RBFOX1: variants seen among roughly 807,000 people sequenced by gnomAD.
The protein encoded by RBFOX1 is RNA binding protein fox-1 homolog 1.
A neutral mutation model predicts 57.7 loss-of-function variants in RBFOX1; 8 were observed. The observed-to-expected ratio is 0.14, with a 90% CI of 0.08 to 0.25. The LOEUF (loss-of-function observed/expected upper bound fraction) is 0.25. RBFOX1 is among the 10% of genes least tolerant of loss of function. RBFOX1 has a pLI of 1.00. For synonymous variants in RBFOX1, 326 were observed against 222.4 expected, an observed-to-expected ratio of 1.47 and a Z score of -4.15; for missense variants, 611 against 548.5, an observed-to-expected ratio of 1.11 and a Z score of -1.14.
intron 3 of RBFOX1, among the ~76,000 whole-genome samples, chr16:6,673,183 C>T (rs147823495): frequency 6.6e-6 from 1 of 152,280 alleles, no homozygotes; most frequent in Non-Finnish European, 1.5e-5. Flanking sequence ...ATTTTATGGT[C>T]TCCATGCTCC....
intron 3 of RBFOX1, among the ~76,000 whole-genome samples, chr16:6,941,018 A>G (rs187977344): frequency 7.8e-4 from 118 of 151,870 alleles, no homozygotes; most frequent in Non-Finnish European, 4.7e-4. Flanking sequence ...CCCTTATCGT[A>G]TACTTCTATA....
intron 2 of RBFOX1, among the ~76,000 whole-genome samples, chr16:6,641,778 A>AAAAAAAAAAAAAAG (rs1568006199): frequency 3.1e-5 from 1 of 31,786 alleles, no homozygotes; most frequent in Non-Finnish European, 5.8e-5. Flanking sequence ...AAAAAAAAAA[A>AAAAAAAAAAAAAAG]TAGGTTCTGC....
Position 7,094,023 on chromosome 16 carries a change from T to C in RBFOX1, c.27+41925T>C, listed in dbSNP as rs2061295415. Among the ~76,000 whole-genome samples, 2 of 151,232 alleles carry C rather than the reference T, an allele frequency of 1.3e-5. 1 individual carries two copies. The highest frequency in any genetic ancestry group is 4.2e-4 in the South Asian group (2 of 4,734). On this transcript the variant is annotated intron_variant, in intron 4 of 15. Coordinates refer to ENST00000550418, the MANE Select transcript of RBFOX1 (RefSeq NM_018723.4). ...TGTCTTTATGATTGTGTTTTAAACA[T>C]AGTAATTGGTCAAGTGGATGTTGCT...
At chr16:6,950,795 A>G (rs549034218) in intron 3 of RBFOX1, among the ~76,000 whole-genome samples, 10 of 152,310 alleles carry the variant, frequency 6.6e-5, no homozygotes, top group African/African-American at 1.7e-4. Flanking sequence ...AGAATGCTCT[A>G]TCACAACAGA....
intron 3 of RBFOX1, among the ~76,000 whole-genome samples, chr16:6,910,309 T>C (rs2071227815): frequency 1.3e-5 from 2 of 151,982 alleles, no homozygotes; most frequent in Admixed American, 1.3e-4. Flanking sequence ...GAGAATCTTT[T>C]TAGGGGCAAA....
intron 4 of RBFOX1, among the ~76,000 whole-genome samples, chr16:7,150,690 A>G (rs577384583): frequency 1.3e-5 from 2 of 152,340 alleles, no homozygotes; most frequent in Admixed American, 6.5e-5. Flanking sequence ...TTAGAAAGAG[A>G]TAAGTCAAAG....
intron 11 of RBFOX1, among the ~76,000 whole-genome samples, chr16:7,649,189 C>G (rs1158720311): frequency 2.0e-5 from 3 of 152,010 alleles, no homozygotes; most frequent in Non-Finnish European, 4.4e-5. Context: ...ATGTCCACCC[C>G]TTGGTATAAT....
chr16:6,494,936 G>T (rs923173629), intron 2 of RBFOX1, among the ~76,000 whole-genome samples: 2 of 152,124 alleles, frequency 1.3e-5, no homozygotes, highest in African/African-American at 4.8e-5. Flanking sequence ...TAACTCATTT[G>T]TCCTCAGAGC....
intron 2 of RBFOX1, among the ~76,000 whole-genome samples, chr16:6,352,009 C>G (rs2086490892): frequency 6.6e-6 from 1 of 152,116 alleles, no homozygotes; most frequent in Non-Finnish European, 1.5e-5. Flanking sequence ...TTTACCCAAA[C>G]CTACCCTTTT....
chr16:6,045,092 C>T (rs116533977), intron 1 of RBFOX1, among the ~76,000 whole-genome samples: 16 of 152,290 alleles, frequency 1.1e-4, no homozygotes, highest in African/African-American at 1.7e-4. Context: ...TTCAGACCAA[C>T]GGAACTAAAG....
intron 3 of RBFOX1, among the ~76,000 whole-genome samples, chr16:5,620,131 A>G (rs1596480544): frequency 6.6e-6 from 1 of 152,104 alleles, no homozygotes; most frequent in Non-Finnish European, 1.5e-5. Flanking sequence ...TCAGGTGGCA[A>G]TGTTTCTGAG....
chr16:7,238,575 A>G (rs541362687), intron 4 of RBFOX1, among the ~76,000 whole-genome samples: 1 of 152,180 alleles, frequency 6.6e-6, no homozygotes, highest in South Asian at 2.1e-4. Context: ...TGTTCTTCCC[A>G]TCTTGTGTAC....
intron 4 of RBFOX1, among the ~76,000 whole-genome samples, chr16:7,142,768 A>G (rs531634095): frequency 1.6e-4 from 25 of 152,262 alleles, no homozygotes; most frequent in Admixed American, 1.2e-3. Flanking sequence ...GACATTCCCA[A>G]TGCCTTACAC....
At chr16:6,885,411 C>G (rs935739831) in intron 3 of RBFOX1, among the ~76,000 whole-genome samples, 1 of 152,202 alleles carries the variant, frequency 6.6e-6, no homozygotes, top group Non-Finnish European at 1.5e-5. Flanking sequence ...ATTTACAAAA[C>G]CCATTTTAAT....
intron 1 of RBFOX1, among the ~76,000 whole-genome samples, chr16:6,131,849 C>G (rs545698673): frequency 1.3e-5 from 2 of 152,130 alleles, no homozygotes; most frequent in East Asian, 1.9e-4. Context: ...CTGCCACTCT[C>G]TGGCTCTCTG....
chr16:6,724,398 C>T (rs1055422449), intron 3 of RBFOX1, among the ~76,000 whole-genome samples: 2 of 151,894 alleles, frequency 1.3e-5, no homozygotes, highest in Non-Finnish European at 2.9e-5. Flanking sequence ...TTAGTAGAGA[C>T]AGGTTTCACC....
chr16:7,037,805 A>G (rs1463310414), intron 3 of RBFOX1, among the ~76,000 whole-genome samples: 1 of 152,106 alleles, frequency 6.6e-6, no homozygotes, highest in Non-Finnish European at 1.5e-5. Context: ...TGTTCTCTGA[A>G]CCACTGCATT....
intron 3 of RBFOX1, among the ~76,000 whole-genome samples, chr16:6,871,342 C>T (rs751609840): frequency 2.0e-5 from 3 of 152,068 alleles, no homozygotes; most frequent in Non-Finnish European, 4.4e-5. Context: ...TGTGCCATCA[C>T]GCCTGGCTAA....
At chr16:6,881,691 A>T (rs550166163) in intron 3 of RBFOX1, among the ~76,000 whole-genome samples, 1 of 152,280 alleles carries the variant, frequency 6.6e-6, no homozygotes, top group East Asian at 1.9e-4. Context: ...TAAGACTTCA[A>T]CGTCTTAACG....
Sources: gnomAD v4.1 joint callset for allele counts (sites outside exome capture counted in the v4.1 genomes callset) on GRCh38, gnomAD v4.1.1 for gene constraint, MANE v1.5 for transcripts, NCBI Gene and HGNC (gene_info 2026-07-23, HGNC 2026-07-21) for gene names.